CAMK2A: variants seen among roughly 807,000 people sequenced by gnomAD.
CAMK2A encodes the protein calcium/calmodulin dependent protein kinase II alpha, also known as calcium/calmodulin-dependent protein kinase type II subunit alpha.
CAMK2A carries 7 observed loss-of-function variants against 79.2 expected under a neutral mutation model. That is an observed-to-expected ratio of 0.09 (90% CI 0.05 to 0.17). The LOEUF (loss-of-function observed/expected upper bound fraction) is 0.17. Ranked by LOEUF, CAMK2A falls within the 10% of genes least tolerant of loss-of-function variation. CAMK2A has a pLI of 1.00. For missense variants in CAMK2A, 214 were observed against 646.4 expected, an observed-to-expected ratio of 0.33 and a Z score of 7.25; for synonymous variants, 242 against 251.7, an observed-to-expected ratio of 0.96 and a Z score of 0.36.
At chr5:150,229,083 G>A (rs1427772971) in intron 16 of CAMK2A, among the ~76,000 whole-genome samples, 1 of 152,182 alleles carries the variant, frequency 6.6e-6, no homozygotes, top group Non-Finnish European at 1.5e-5. Context: ...GAAGCCAGGG[G>A]CAGGAAATGT....
At chr5:150,254,162 C>T (rs1000693786) in intron 6 of CAMK2A, among the ~76,000 whole-genome samples, 5 of 152,166 alleles carry the variant, frequency 3.3e-5, no homozygotes, top group African/African-American at 1.2e-4. Context: ...TTTACTCTAT[C>T]TAGAGGGGAA....
chr5:150,275,351 C>T (rs1253587673), intron 1 of CAMK2A, among the ~76,000 whole-genome samples: 1 of 151,992 alleles, frequency 6.6e-6, no homozygotes. Flanking sequence ...TTCCATCATT[C>T]CCATGCTTCT....
intron 12 of CAMK2A, 133 bp from the exon 13 acceptor site, chr5:150,245,334 G>A: frequency 1.4e-6 from 1 of 712,740 alleles, no homozygotes; most frequent in Non-Finnish European, 2.4e-6. Context: ...CGATCCTGGG[G>A]GAGGCCTCCT....
At chr5:150,247,387 G>T (rs1020639665) in intron 12 of CAMK2A, among the ~76,000 whole-genome samples, 1 of 152,222 alleles carries the variant, frequency 6.6e-6, no homozygotes, top group Non-Finnish European at 1.5e-5. Context: ...GGAAGCACGG[G>T]ACTGCTTAGC....
At position 150,222,589 on chromosome 5, in the gene CAMK2A, G is replaced by A. The variant is rs745686978; in HGVS notation, c.*121C>T. 3.6e-5 allele frequency: 39 copies of A among 1,070,230 alleles called. No homozygotes were observed. Among genetic ancestry groups the A allele is most frequent in the South Asian group, 3.8e-5 (3 of 78,006 alleles). The allele number at this position is 1,070,230 out of a possible 1,614,324, so 66.3% of individuals were successfully genotyped here. A position where few individuals can be genotyped will look rare whatever the true frequency, so the allele number is the denominator to read the frequency against. ...TTCTTGATGCAGGTACAGAAGTGAC[G>A]GTGGTGGGGTGATGACATGGGAGAA... is the stretch of plus-strand genomic sequence containing the variant. On this transcript the variant is annotated 3_prime_UTR_variant, in exon 19 of 19. Transcript: ENST00000671881.
chr5:150,237,368 AC>A (rs869267741), intron 15 of CAMK2A, among the ~76,000 whole-genome samples: 3 of 48,264 alleles, frequency 6.2e-5, no homozygotes, highest in Non-Finnish European at 1.1e-4. Flanking sequence ...TATTTCAGAG[AC>A]CCCCCCCTGC....
chr5:150,241,383 T>C (rs2114045561), intron 13 of CAMK2A, among the ~76,000 whole-genome samples: 1 of 144,792 alleles, frequency 6.9e-6, no homozygotes, highest in East Asian at 2.2e-4. Context: ...CCCTGTCTCC[T>C]TCCCTCTCTC....
At chr5:150,228,911 G>C (rs927472104) in intron 16 of CAMK2A, among the ~76,000 whole-genome samples, 29 of 152,176 alleles carry the variant, frequency 1.9e-4, no homozygotes, top group African/African-American at 6.8e-4. Flanking sequence ...GAAGCACAGG[G>C]CATGACGGAG....
At chr5:150,235,894 T>C (rs999866520) in intron 15 of CAMK2A, among the ~76,000 whole-genome samples, 1 of 152,144 alleles carries the variant, frequency 6.6e-6, no homozygotes, top group Non-Finnish European at 1.5e-5. Context: ...GCACAAGGAC[T>C]CCTCTTTCCT....
intron 3 of CAMK2A, 66 bp downstream of exon 3, chr5:150,264,890 C>A (rs540863246): frequency 2.4e-6 from 3 of 1,276,144 alleles, no homozygotes; most frequent in African/African-American, 1.5e-5. Context: ...CAAACACCCA[C>A]GTGCCAGGGT....
rs780436184 is a variant in CAMK2A, at chr5:150,220,161, A to C, written c.*2549T>G. 1 of 152,440 alleles carries C rather than the reference A, an allele frequency of 6.6e-6. No individual in the cohort carries two copies. Among genetic ancestry groups the C allele is most frequent in the Non-Finnish European group, 1.5e-5 (1 of 68,070 alleles). The allele number at this position is 152,440 out of a possible 1,614,324, so 9.4% of individuals were successfully genotyped here. A position where few individuals can be genotyped will look rare whatever the true frequency, so the allele number is the denominator to read the frequency against. On this transcript the variant is annotated 3_prime_UTR_variant, in exon 19 of 19. Coordinates refer to ENST00000671881, the MANE Select transcript of CAMK2A (RefSeq NM_015981.4). Reference sequence around the variant, plus strand: ...GTCAGCCAATGAAAGGCAGGACCTCAGGCTCCTCCAGCTCAGTTTCCTCTG... The same window carrying C: ...GTCAGCCAATGAAAGGCAGGACCTCCGGCTCCTCCAGCTCAGTTTCCTCTG...
At position 150,273,234 on chromosome 5, in the gene CAMK2A, A is replaced by C. The variant is rs568335726; in HGVS notation, c.63-75T>G. ...GTCCCTAGGAGATGTTGGAGTTCAC[A>C]TCACTGCCCCACGCTAGACAGAAGC... is the stretch of plus-strand genomic sequence containing the variant. On this transcript the variant is annotated intron_variant, in intron 1 of 18. Coordinates refer to ENST00000671881, the MANE Select transcript of CAMK2A (RefSeq NM_015981.4). The C allele has an allele frequency of 2.7e-6, 3 of 1,100,946 alleles. No homozygotes were observed. The African/African-American group carries it at 4.6e-5, about 17-fold the overall frequency. The allele number at this position is 1,100,946 out of a possible 1,614,324, so 68.2% of individuals were successfully genotyped here.
rs1755795267 is a variant in CAMK2A, at chr5:150,250,719, G to A, written c.785C>T (p.Ala262Val). The A allele has an allele frequency of 6.2e-7, 1 of 1,614,154 alleles. No individual in the cohort carries two copies. The highest frequency in any genetic ancestry group is 8.5e-7 in the Non-Finnish European group (1 of 1,180,002). Residue 262 changes from alanine (A) to valine (V), a missense_variant, in exon 10 of 19, where the codon GCT becomes GTT. Physicochemically the swap from Ala to Val is moderately conservative, Grantham distance 64. This residue lies in a region of CAMK2A where 18 missense variants were observed against 34.9 expected (regional missense o/e 0.52). Transcript: ENST00000671881. ...CCAGGGGTGCTTAAGGGCTTCGGCA[G>A]CTGTGATGCGTTTGGATGGGTTAAT... Reference protein sequence around the residue: ...LTINPSKRITAAEALKHPWIS... With the variant: ...LTINPSKRITVAEALKHPWIS...
chr5:150,269,366 G>C (rs1481496874), intron 2 of CAMK2A, among the ~76,000 whole-genome samples: 3 of 152,254 alleles, frequency 2.0e-5, no homozygotes, highest in South Asian at 2.1e-4. Context: ...GGGTGGGACA[G>C]GACAGGGCAG....
chr5:150,243,832 G>A (rs942791121), intron 13 of CAMK2A, among the ~76,000 whole-genome samples: 6 of 152,012 alleles, frequency 3.9e-5, no homozygotes, highest in Admixed American at 6.6e-5. Flanking sequence ...ATACCCAGCC[G>A]AGGTCCAGCT....
In CAMK2A at chr5:150,289,737, A is replaced by T. The variant is rs1428385048; in HGVS notation, c.-112T>A. On this transcript the variant is annotated 5_prime_UTR_variant, in exon 1 of 19. Coordinates refer to ENST00000671881, the MANE Select transcript of CAMK2A (RefSeq NM_015981.4). ...TGCCTGCCCGTGCTGCCGAGTGCAA[A>T]CAGAGAACCGGTTTGACTGACGAGC... 3.7e-6 allele frequency: 3 copies of T among 803,168 alleles called. No homozygotes were observed. The South Asian group carries it at 5.0e-5, about 13-fold the overall frequency. 49.8% of individuals were successfully genotyped at this position (803,168 alleles called of 1,614,324 possible).
rs1286225729 is a variant in CAMK2A at position 150,256,336 on chromosome 5, G to A, written c.411+237C>T. Among the ~76,000 whole-genome samples the A allele has an allele frequency of 1.3e-5, 2 of 152,064 alleles. No individual in the cohort carries two copies. Among genetic ancestry groups the A allele is most frequent in the East Asian group, 1.9e-4 (1 of 5,194 alleles). ...AGTATAACTGCAGCTCACCCATCCT[G>A]GCACAAAGCATGTGGGCTGGGAGTT... On this transcript the variant is annotated intron_variant, in intron 6 of 18. Coordinates refer to ENST00000671881, the MANE Select transcript of CAMK2A (RefSeq NM_015981.4). This position sits in a 1 kb window ranked among gnomAD's most constrained non-coding sequence, Gnocchi z 4.6.
intron 2 of CAMK2A, among the ~76,000 whole-genome samples, chr5:150,267,375 A>G (rs966488540): frequency 6.6e-6 from 1 of 152,266 alleles, no homozygotes; most frequent in Admixed American, 6.5e-5. Context: ...TTCAGGAAGC[A>G]GAAGCCCCAA....
intron 6 of CAMK2A, 72 bp from the exon 7 acceptor site, chr5:150,253,618 A>C: frequency 1.3e-5 from 17 of 1,277,506 alleles, no homozygotes; most frequent in Non-Finnish European, 1.8e-5. Flanking sequence ...TCAGAGCCTC[A>C]CCTCTAGGGG....
Sources: allele counts gnomAD v4.1 joint callset (sites outside exome capture counted in the v4.1 genomes callset), GRCh38; gene constraint gnomAD v4.1.1; regional missense constraint gnomAD v4.1.1; non-coding constraint Gnocchi (gnomAD v3.1); transcripts MANE v1.5; gene names NCBI Gene and HGNC (gene_info 2026-07-23, HGNC 2026-07-21).